The following NKAIN2 variants were observed in gnomAD, a reference collection of about 807,000 sequenced individuals.
NKAIN2 encodes sodium/potassium-transporting ATPase subunit beta-1-interacting protein 2.
A neutral mutation model predicts 32.6 loss-of-function variants in NKAIN2; 14 were observed. The ratio of observed to expected loss-of-function variants is 0.43; its 90% CI spans 0.28 to 0.67. NKAIN2 has a LOEUF of 0.67. Among genes scored for constraint, NKAIN2 ranks in the 30% least tolerant of loss-of-function variants. The probability of loss-of-function intolerance (pLI) is 0.17; values close to 1 mark genes in which losing one functional copy is unlikely to be tolerated. For missense variants in NKAIN2, 198 were observed against 258.3 expected, an observed-to-expected ratio of 0.77 and a Z score of 1.60; for synonymous variants, 80 against 87.2, an observed-to-expected ratio of 0.92 and a Z score of 0.46.
Position 124,609,671 on chromosome 6 carries a change from AT to A in NKAIN2, c.274-48506del, listed in dbSNP as rs913381073. Among the ~76,000 whole-genome samples the A allele has an allele frequency of 1.6e-3, 231 of 148,200 alleles. 1 individual carries two copies. Among genetic ancestry groups the A allele is most frequent in the African/African-American group, 5.3e-3 (214 of 40,250 alleles). Reference sequence around the variant, plus strand: ...TTGCCCCCCTCCGGAAGCCCCACACATTTTTTTTTCACTTTTACATGAACGC... The same window carrying A: ...TTGCCCCCCTCCGGAAGCCCCACACATTTTTTTTCACTTTTACATGAACGC... On this transcript the variant is annotated intron_variant, in intron 3 of 6. Coordinates refer to ENST00000368417, the MANE Select transcript of NKAIN2 (RefSeq NM_001040214.3).
chr6:124,358,380 A>C lies in NKAIN2; in HGVS notation c.273+3033A>C, dbSNP rs553066971. On this transcript the variant is annotated intron_variant, in intron 3 of 6. Transcript: ENST00000368417. ...ACTTCCACAATGGTTGAACTAGTTTACAGTCCCACCAACAGTGTAAAAGTG... is the reference window on the plus strand; with the variant it reads ...ACTTCCACAATGGTTGAACTAGTTTCCAGTCCCACCAACAGTGTAAAAGTG... Among the ~76,000 whole-genome samples, 18 of 152,196 alleles carry C rather than the reference A, an allele frequency of 1.2e-4. 1 individual carries two copies. Among genetic ancestry groups the C allele is most frequent in the Middle Eastern group, 3.4e-3 (1 of 294 alleles).
At chr6:124,145,931 G>T (rs1381328258) in intron 1 of NKAIN2, among the ~76,000 whole-genome samples, 1 of 152,162 alleles carries the variant, frequency 6.6e-6, no homozygotes, top group Non-Finnish European at 1.5e-5. Flanking sequence ...TGATAGAATA[G>T]CTCATGATCT....
chr6:124,435,169 T>C (rs1007126337), intron 3 of NKAIN2, among the ~76,000 whole-genome samples: 6 of 152,088 alleles, frequency 3.9e-5, no homozygotes, highest in Non-Finnish European at 1.5e-5. Context: ...TCTGGATAAC[T>C]AGAAGGAATA....
chr6:124,707,459 A>T (rs1053150938), intron 4 of NKAIN2, among the ~76,000 whole-genome samples: 1 of 150,244 alleles, frequency 6.7e-6, no homozygotes, highest in South Asian at 2.1e-4. Context: ...TCCCACCAAC[A>T]GTGTAAAGGT....
intron 3 of NKAIN2, among the ~76,000 whole-genome samples, chr6:124,617,517 T>A (rs927202009): frequency 2.6e-5 from 4 of 152,210 alleles, no homozygotes. Flanking sequence ...TCCTTCCTTG[T>A]AAAATTCTTT....
intron 2 of NKAIN2, among the ~76,000 whole-genome samples, chr6:124,297,537 C>T (rs535172011): frequency 2.0e-5 from 3 of 151,852 alleles, no homozygotes; most frequent in East Asian, 3.9e-4. Context: ...GTGTGGCTCT[C>T]AGGTGGGCTG....
intron 3 of NKAIN2, among the ~76,000 whole-genome samples, chr6:124,515,481 G>A (rs188537713): frequency 3.3e-3 from 498 of 152,030 alleles, no homozygotes; most frequent in Non-Finnish European, 4.9e-3. Flanking sequence ...GAGGTGAGAG[G>A]TGCTAGCGTC....
chr6:124,585,459 G>A (rs1481096019), intron 3 of NKAIN2, among the ~76,000 whole-genome samples: 2 of 152,252 alleles, frequency 1.3e-5, no homozygotes, highest in African/African-American at 2.4e-5. Flanking sequence ...AACTAAAAGA[G>A]TATAATTGGA....
chr6:123,852,359 TG>T (rs2114960399), intron 1 of NKAIN2, among the ~76,000 whole-genome samples: 1 of 152,332 alleles, frequency 6.6e-6, no homozygotes, highest in South Asian at 2.1e-4. Flanking sequence ...TATTGACTAT[TG>T]CACCTCTGAT....
rs560767108 is a variant in NKAIN2 at position 124,385,587 on chromosome 6, T to C, written c.273+30240T>C. Among the ~76,000 whole-genome samples the C allele has an allele frequency of 3.3e-5, 5 of 152,264 alleles. No individual in the cohort carries two copies. The South Asian group carries it at 1.0e-3, about 32-fold the overall frequency. ...TCTGTATATCCACAATGATCATAAA[T>C]CCTTGTTTGCCCAGTTCAGTCTGGG... On this transcript the variant is annotated intron_variant, in intron 3 of 6. Transcript: ENST00000368417.
At chr6:124,499,678 C>G (rs1354204900) in intron 3 of NKAIN2, among the ~76,000 whole-genome samples, 1 of 152,090 alleles carries the variant, frequency 6.6e-6, no homozygotes, top group Non-Finnish European at 1.5e-5. Flanking sequence ...TGGGAGGATC[C>G]TTGGTCTCAG....
At chr6:124,555,061 A>G (rs1298550444) in intron 3 of NKAIN2, among the ~76,000 whole-genome samples, 1 of 152,162 alleles carries the variant, frequency 6.6e-6, no homozygotes, top group African/African-American at 2.4e-5. Context: ...CTCCAGTTAA[A>G]CCTTCAGACC....
chr6:124,704,578 G>A (rs960833031), intron 4 of NKAIN2, among the ~76,000 whole-genome samples: 1 of 151,588 alleles, frequency 6.6e-6, no homozygotes, highest in Non-Finnish European at 1.5e-5. Context: ...AACCCTACTG[G>A]GAGAAAATAA....
intron 1 of NKAIN2, among the ~76,000 whole-genome samples, chr6:123,846,494 T>G (rs574115323): frequency 1.3e-5 from 2 of 152,206 alleles, no homozygotes; most frequent in Non-Finnish European, 2.9e-5. Context: ...CTTGTAAACA[T>G]CTGTTGCTTA....
intron 1 of NKAIN2, among the ~76,000 whole-genome samples, chr6:123,955,938 A>G (rs1777562225): frequency 6.6e-6 from 1 of 152,164 alleles, no homozygotes. Context: ...ACATTTAAAC[A>G]TTAATATTTA....
At chr6:124,522,237 G>A (rs1779144025) in intron 3 of NKAIN2, among the ~76,000 whole-genome samples, 1 of 152,132 alleles carries the variant, frequency 6.6e-6, no homozygotes, top group Non-Finnish European at 1.5e-5. Flanking sequence ...TAAGAATGAT[G>A]CTATGTTCAT....
intron 4 of NKAIN2, among the ~76,000 whole-genome samples, chr6:124,790,920 C>G (rs1457994364): frequency 6.6e-6 from 1 of 152,092 alleles, no homozygotes; most frequent in Non-Finnish European, 1.5e-5. Flanking sequence ...ACCTTAATGT[C>G]TTCCCTCAAA....
intron 4 of NKAIN2, among the ~76,000 whole-genome samples, chr6:124,720,631 G>C (rs763323032): frequency 6.6e-6 from 1 of 152,092 alleles, no homozygotes; most frequent in African/African-American, 2.4e-5. Flanking sequence ...CTGAAGCATA[G>C]AGCCCTATTT....
chr6:124,386,859 T>C (rs1027213891), intron 3 of NKAIN2, among the ~76,000 whole-genome samples: 1 of 152,136 alleles, frequency 6.6e-6, no homozygotes, highest in East Asian at 1.9e-4. Flanking sequence ...TGGGCCATTG[T>C]CCCCCTAAAC....
Sources: gnomAD v4.1 joint callset for allele counts (sites outside exome capture counted in the v4.1 genomes callset) on GRCh38, gnomAD v4.1.1 for gene constraint, MANE v1.5 for transcripts, NCBI Gene and HGNC (gene_info 2026-07-23, HGNC 2026-07-21) for gene names.